Variants in CSMD3 observed in about 807,000 individuals in gnomAD.
The protein encoded by CSMD3 is CUB and Sushi multiple domains 3, also known as CUB and sushi domain-containing protein 3.
In CSMD3, 177 loss-of-function variants were observed where a neutral mutation model predicts 435.2. The observed-to-expected ratio is 0.41, with a 90% CI of 0.36 to 0.46. The LOEUF (loss-of-function observed/expected upper bound fraction) is 0.46. CSMD3 is among the 20% of genes least tolerant of loss of function. The probability of loss-of-function intolerance (pLI) is 0.34; values close to 1 mark genes in which losing one functional copy is unlikely to be tolerated. For synonymous variants in CSMD3, 1,656 were observed against 1,520.5 expected (o/e 1.09, Z -2.07); for missense variants, 4,265 against 4,504.6 (o/e 0.95, Z 1.52).
At chr8:112,766,781 C>G (rs1563940130) in intron 13 of CSMD3, among the ~76,000 whole-genome samples, 1 of 151,814 alleles carries the variant, frequency 6.6e-6, no homozygotes. Context: ...AGAAACAGAA[C>G]TTATGTTCCA....
At chr8:112,976,176 A>G (rs751706553) in intron 6 of CSMD3, 28 bp from the exon 7 acceptor site, 1 of 1,611,208 alleles carries the variant, frequency 6.2e-7, no homozygotes, top group Non-Finnish European at 8.5e-7. Context: ...ACTAGATGCT[A>G]ACTTTTTCTT....
chr8:113,099,628 A>G (rs978320), intron 4 of CSMD3, among the ~76,000 whole-genome samples: 85,329 of 151,960 alleles, frequency 0.56, 26,172 homozygotes, highest in East Asian at 0.88. Flanking sequence ...ATACAACACC[A>G]TAAATAACTT....
At chr8:112,455,622 A>G (rs1302845174) in intron 32 of CSMD3, among the ~76,000 whole-genome samples, 2 of 151,242 alleles carry the variant, frequency 1.3e-5, no homozygotes, top group Admixed American at 1.3e-4. Flanking sequence ...TAAATAAATA[A>G]ATAAATAAAT....
chr8:112,883,080 T>C (rs1331293651), intron 10 of CSMD3, among the ~76,000 whole-genome samples: 2 of 151,956 alleles, frequency 1.3e-5, no homozygotes, highest in Non-Finnish European at 1.5e-5. Flanking sequence ...TGTGTGGCCA[T>C]CTGGCAAGCA....
chr8:113,341,885 C>T (rs2094121415), intron 1 of CSMD3, among the ~76,000 whole-genome samples: 1 of 152,064 alleles, frequency 6.6e-6, no homozygotes, highest in African/African-American at 2.4e-5. Context: ...AAATATCCTT[C>T]CTTTGCTTCT....
At chr8:113,253,025 G>A (rs2093348045) in intron 3 of CSMD3, among the ~76,000 whole-genome samples, 1 of 152,118 alleles carries the variant, frequency 6.6e-6, no homozygotes, top group Non-Finnish European at 1.5e-5. Context: ...CAGAAACTCA[G>A]TTCTCAGAAC....
At chr8:113,269,916 G>T (rs1332162798) in intron 3 of CSMD3, among the ~76,000 whole-genome samples, 1 of 151,886 alleles carries the variant, frequency 6.6e-6, no homozygotes, top group East Asian at 1.9e-4. Flanking sequence ...AGGACTTCAT[G>T]TCTAAAACAC....
chr8:112,587,893 T>C (rs1481760815), intron 22 of CSMD3, among the ~76,000 whole-genome samples: 6 of 151,894 alleles, frequency 4.0e-5, no homozygotes, highest in Admixed American at 1.3e-4. Context: ...GATAAAATGG[T>C]ACTGCTAAAC....
intron 13 of CSMD3, among the ~76,000 whole-genome samples, chr8:112,711,319 A>T (rs1361755263): frequency 6.6e-6 from 1 of 152,122 alleles, no homozygotes; most frequent in Non-Finnish European, 1.5e-5. Context: ...AAATGAAGAC[A>T]GAGGCACCAT....
chr8:112,561,197 T>C (rs1447097540), intron 24 of CSMD3, among the ~76,000 whole-genome samples: 3 of 151,690 alleles, frequency 2.0e-5, no homozygotes, highest in Non-Finnish European at 4.4e-5. Context: ...CAGCTGCTAG[T>C]CTTTTCATTG....
intron 3 of CSMD3, among the ~76,000 whole-genome samples, chr8:113,270,273 C>A (rs951207988): frequency 5.4e-5 from 8 of 146,944 alleles, no homozygotes; most frequent in African/African-American, 2.1e-4. Context: ...CCATCTCACA[C>A]CAGTTAGAAT....
At chr8:112,243,115 C>T (rs1004699561) in intron 65 of CSMD3, among the ~76,000 whole-genome samples, 2 of 151,940 alleles carry the variant, frequency 1.3e-5, no homozygotes, top group Non-Finnish European at 2.9e-5. Flanking sequence ...AGTGAAGTCT[C>T]TCATGAGATT....
intron 1 of CSMD3, among the ~76,000 whole-genome samples, chr8:113,369,855 GT>G (rs1285341584): frequency 6.6e-6 from 1 of 151,806 alleles, no homozygotes; most frequent in Non-Finnish European, 1.5e-5. Flanking sequence ...ATCAAAAAAA[GT>G]TAATCTCATA....
rs373051071 is a variant in CSMD3, at chr8:112,645,140, A to T, written c.3279T>A (p.Cys1093Ter). ...YPEFYPNSLNCTWTVDVTHGK... is the reference protein window; with the variant it reads ...YPEFYPNSLN ...CATGGGTTACATCAACAGTCCATGT[A>T]CAATTCAGAGAATTTGGATAAAATT... Residue 1093 changes from cysteine to a stop codon, truncating the protein, a stop_gained, in exon 20 of 71, where the codon TGT becomes TGA. Transcript: ENST00000297405. LOFTEE classifies it high-confidence loss of function. 1 of 1,600,048 alleles carries T rather than the reference A, an allele frequency of 6.2e-7. No homozygotes were observed. Among genetic ancestry groups the T allele is most frequent in the Non-Finnish European group, 8.6e-7 (1 of 1,167,254 alleles).
rs763643893 is a variant in CSMD3, at chr8:112,587,157, T to C, written c.3794A>G (p.His1265Arg). 3 of 1,608,214 alleles carry C rather than the reference T, an allele frequency of 1.9e-6. No individual in the cohort carries two copies. The highest frequency in any genetic ancestry group is 2.7e-5 in the African/African-American group (2 of 74,702). The change falls in exon 23 of 71, where the codon CAT becomes CGT. Residue 1265 changes from histidine to arginine, a missense_variant. By Grantham distance (29) the His-to-Arg change is conservative. Coordinates refer to ENST00000297405, the MANE Select transcript of CSMD3 (RefSeq NM_198123.2). ...PNYPLNYENN[H>R]ECIYSIQVQA... is the part of the protein sequence containing the mutation. ...AACCTGAATACTATAAATGCATTCA[T>C]GGTTGTTTTCATAGTTGAGTGGATA...
chr8:113,240,416 C>G (rs776796952), intron 3 of CSMD3, among the ~76,000 whole-genome samples: 3 of 152,144 alleles, frequency 2.0e-5, no homozygotes, highest in Non-Finnish European at 2.9e-5. Flanking sequence ...GTCTCTAGGG[C>G]TCTGAGGAAT....
intron 45 of CSMD3, among the ~76,000 whole-genome samples, chr8:112,320,190 TTA>T (rs1822862752): frequency 6.6e-6 from 1 of 152,168 alleles, no homozygotes; most frequent in Non-Finnish European, 1.5e-5. Flanking sequence ...TTTTTATTCT[TTA>T]TTTCTTACCC....
At chr8:112,650,017 G>C (rs1436358263) in intron 19 of CSMD3, 144 bp downstream of exon 19, 1 of 657,080 alleles carries the variant, frequency 1.5e-6, no homozygotes, top group Non-Finnish European at 2.7e-6. Flanking sequence ...TTCATGAATG[G>C]TTTGATAACA....
intron 31 of CSMD3, among the ~76,000 whole-genome samples, chr8:112,483,053 G>A (rs574921637): frequency 3.3e-5 from 5 of 152,096 alleles, no homozygotes; most frequent in African/African-American, 4.8e-5. Flanking sequence ...AATATATGCT[G>A]TATTAGGAAA....
Sources: gnomAD v4.1 joint callset for allele counts (sites outside exome capture counted in the v4.1 genomes callset) on GRCh38, gnomAD v4.1.1 for gene constraint, MANE v1.5 for transcripts, NCBI Gene and HGNC (gene_info 2026-07-23, HGNC 2026-07-21) for gene names.